DTNA: variants seen among roughly 807,000 people sequenced by gnomAD.
The protein encoded by DTNA is dystrobrevin alpha.
Under a neutral mutation model 100.7 loss-of-function variants are expected in DTNA, and 43 were observed. The ratio of observed to expected loss-of-function variants is 0.43; its 90% CI spans 0.33 to 0.55. The LOEUF (loss-of-function observed/expected upper bound fraction) is 0.55, where lower values mean the gene tolerates loss of function less well. Ranked by LOEUF, DTNA falls within the 20% of genes least tolerant of loss-of-function variation. The probability of loss-of-function intolerance (pLI) is 0.04; values close to 1 mark genes in which losing one functional copy is unlikely to be tolerated. For missense variants in DTNA, 798 were observed against 953.9 expected, an observed-to-expected ratio of 0.84 and a Z score of 2.15; for synonymous variants, 349 against 347.9, an observed-to-expected ratio of 1.00 and a Z score of -0.04.
chr18:34,620,550 T>C (rs2056285157), intron 1 of DTNA, among the ~76,000 whole-genome samples: 1 of 152,202 alleles, frequency 6.6e-6, no homozygotes, highest in African/African-American at 2.4e-5. Context: ...TATCTTTAAT[T>C]GGCTCACAGT....
intron 1 of DTNA, among the ~76,000 whole-genome samples, chr18:34,697,370 A>G (rs2080722590): frequency 6.6e-6 from 1 of 152,200 alleles, no homozygotes; most frequent in Non-Finnish European, 1.5e-5. Context: ...AAAAATACCT[A>G]CATAACTGCC....
In DTNA at chr18:34,716,816, T is replaced by C. The variant is rs182481976; in HGVS notation, c.-2+6371T>C. ...AAAAGTCTGTGAATCCCTTTACCCA[T>C]GTATATGTGTTTGTCTTCACCGCTG... is the stretch of plus-strand genomic sequence containing the variant. On this transcript the variant is annotated intron_variant, in intron 1 of 22. Transcript: ENST00000444659. 1.0e-3 allele frequency among the ~76,000 whole-genome samples: 158 copies of C among 152,314 alleles called. 1 individual carries two copies. The highest frequency in any genetic ancestry group is 3.5e-3 in the African/African-American group (147 of 41,576).
intron 15 of DTNA, among the ~76,000 whole-genome samples, chr18:34,854,872 A>G (rs993175974): frequency 6.6e-6 from 1 of 152,208 alleles, no homozygotes; most frequent in African/African-American, 2.4e-5. Flanking sequence ...TTTAAAGTAC[A>G]TGTGTACAAA....
chr18:34,620,958 A>T (rs1441309324), intron 1 of DTNA, among the ~76,000 whole-genome samples: 1 of 152,058 alleles, frequency 6.6e-6, no homozygotes, highest in Non-Finnish European at 1.5e-5. Flanking sequence ...TTGCTTTGGG[A>T]GCAATTGCAT....
chr18:34,752,925 G>A (rs1014783657), intron 1 of DTNA, among the ~76,000 whole-genome samples: 5 of 152,168 alleles, frequency 3.3e-5, no homozygotes, highest in African/African-American at 1.2e-4. Flanking sequence ...ATGTAAATTA[G>A]TTTCTGTCAT....
intron 5 of DTNA, among the ~76,000 whole-genome samples, chr18:34,811,578 ACT>A (rs1047788323): frequency 3.3e-5 from 5 of 152,262 alleles, no homozygotes; most frequent in African/African-American, 1.2e-4. Context: ...TTATAGTAAA[ACT>A]CTCATTGTGT....
chr18:34,625,108 C>T (rs1157659904), intron 1 of DTNA, among the ~76,000 whole-genome samples: 2 of 151,820 alleles, frequency 1.3e-5, no homozygotes, highest in African/African-American at 4.8e-5. Flanking sequence ...GATCTCGGCT[C>T]ACTGCAATCT....
upstream of DTNA, among the ~76,000 whole-genome samples, chr18:34,708,473 ATATT>A (rs2082388197): frequency 6.6e-6 from 1 of 152,204 alleles, no homozygotes. Context: ...TTTTTCTTCC[ATATT>A]TAAAGATGAA....
chr18:34,650,821 C>A (rs2060359482), intron 1 of DTNA, among the ~76,000 whole-genome samples: 1 of 152,084 alleles, frequency 6.6e-6, no homozygotes, highest in Admixed American at 6.5e-5. Context: ...TATAGTTATT[C>A]TTTTTACTGT....
At chr18:34,624,718 A>T (rs2057066834) in intron 1 of DTNA, among the ~76,000 whole-genome samples, 1 of 152,234 alleles carries the variant, frequency 6.6e-6, no homozygotes, top group South Asian at 2.1e-4. Flanking sequence ...AAAAAGATGA[A>T]TTAGACGGGA....
chr18:34,621,029 A>C (rs1360090742), intron 1 of DTNA, among the ~76,000 whole-genome samples: 1 of 151,968 alleles, frequency 6.6e-6, no homozygotes, highest in Non-Finnish European at 1.5e-5. Context: ...ATTTTTTGTT[A>C]TCAAGGGAAA....
chr18:34,757,918 A>T (rs2092890856), intron 2 of DTNA, among the ~76,000 whole-genome samples: 1 of 152,214 alleles, frequency 6.6e-6, no homozygotes, highest in East Asian at 1.9e-4. Context: ...AAATGTTGGC[A>T]AAAACAGCTA....
chr18:34,712,862 T>C (rs1042977866), intron 1 of DTNA, among the ~76,000 whole-genome samples: 1 of 152,100 alleles, frequency 6.6e-6, no homozygotes, highest in Non-Finnish European at 1.5e-5. Flanking sequence ...AACAGTTTTT[T>C]AACATGTTAA....
At chr18:34,790,857 G>A (rs188729619) in intron 3 of DTNA, among the ~76,000 whole-genome samples, 12 of 152,256 alleles carry the variant, frequency 7.9e-5, no homozygotes, top group African/African-American at 2.9e-4. Flanking sequence ...GGCAATAAAG[G>A]TTCATGGAAA....
At chr18:34,884,379 T>G (rs17644286) in intron 21 of DTNA, among the ~76,000 whole-genome samples, 2,540 of 152,324 alleles carry the variant, frequency 0.017, 27 homozygotes, top group South Asian at 0.03. Flanking sequence ...GACTTAAGAT[T>G]CAACTGGAGT....
At chr18:34,847,242 C>A (rs2096396161) in intron 13 of DTNA, among the ~76,000 whole-genome samples, 1 of 152,132 alleles carries the variant, frequency 6.6e-6, no homozygotes. Flanking sequence ...GGACTCAGAT[C>A]ATCCTTATTC....
At chr18:34,868,382 C>T (rs933989865) in intron 17 of DTNA, 1 of 721,336 alleles carries the variant, frequency 1.4e-6, no homozygotes, top group African/African-American at 1.9e-5. Flanking sequence ...TCAATCCCAG[C>T]CCTATAGAGG....
chr18:34,825,402 C>T (rs2095837671), intron 9 of DTNA: 3 of 1,192,130 alleles, frequency 2.5e-6, no homozygotes, highest in Admixed American at 1.7e-5. Flanking sequence ...ATGCTGTACA[C>T]TCAGTTCACA....
chr18:34,529,389 T>C (rs1313998802), intron 1 of DTNA, among the ~76,000 whole-genome samples: 1 of 151,986 alleles, frequency 6.6e-6, no homozygotes, highest in Non-Finnish European at 1.5e-5. Flanking sequence ...TTGAAGACAG[T>C]ATAATGGTAG....
Sources: allele counts gnomAD v4.1 joint callset (sites outside exome capture counted in the v4.1 genomes callset), GRCh38; gene constraint gnomAD v4.1.1; transcripts MANE v1.5; gene names NCBI Gene and HGNC (gene_info 2026-07-23, HGNC 2026-07-21).